The following TULP4 variants were observed in gnomAD, a reference collection of about 807,000 sequenced individuals.
TULP4 encodes the protein tubby-related protein 4.
TULP4 carries 16 observed loss-of-function variants against 129.0 expected under a neutral mutation model. The observed-to-expected ratio is 0.12, with a 90% CI of 0.08 to 0.19. The LOEUF is 0.19. TULP4 is among the 10% of genes least tolerant of loss of function. The pLI is 1.00. For synonymous variants in TULP4, 998 were observed against 854.0 expected, an observed-to-expected ratio of 1.17 and a Z score of -2.94; for missense variants, 1,842 against 2,059.1, an observed-to-expected ratio of 0.89 and a Z score of 2.04.
intron 1 of TULP4, among the ~76,000 whole-genome samples, chr6:158,362,326 A>G (rs1258128480): frequency 6.7e-6 from 1 of 149,618 alleles, no homozygotes; most frequent in African/African-American, 2.5e-5. Context: ...TGTTCATCCA[A>G]GTTTGACTAG....
At chr6:158,385,840 A>ATTTTTTTT (rs1397821107) in intron 1 of TULP4, among the ~76,000 whole-genome samples, 1 of 34,012 alleles carries the variant, frequency 2.9e-5, no homozygotes, top group African/African-American at 1.3e-4. Flanking sequence ...AATGTGGAAT[A>ATTTTTTTT]TCTTTTTTTT....
intron 5 of TULP4, among the ~76,000 whole-genome samples, chr6:158,457,869 T>G (rs190758485): frequency 6.6e-6 from 1 of 152,308 alleles, no homozygotes; most frequent in East Asian, 1.9e-4. Flanking sequence ...CACGTCGTCC[T>G]CATTGAGTAC....
intron 1 of TULP4, among the ~76,000 whole-genome samples, chr6:158,303,005 C>T (rs960527825): frequency 6.7e-6 from 1 of 149,062 alleles, no homozygotes; most frequent in African/African-American, 2.5e-5. Context: ...GGAGGAAGGC[C>T]ATAAATTAGA....
At chr6:158,422,659 C>T (rs558823056) in intron 2 of TULP4, among the ~76,000 whole-genome samples, 48 of 152,110 alleles carry the variant, frequency 3.2e-4, no homozygotes, top group Non-Finnish European at 6.8e-4. Context: ...GCTCCAAAGC[C>T]GAAAGAGGAG....
In TULP4 at chr6:158,503,599, A is replaced by C. The variant is rs1468545785; in HGVS notation, c.3936A>C (p.Ala1312=). Residue 1312 remains alanine, a synonymous_variant, in exon 13 of 14, where the codon GCA becomes GCC. Coordinates refer to ENST00000367097, the MANE Select transcript of TULP4 (RefSeq NM_020245.5). This position sits in a 1 kb window ranked among gnomAD's most constrained non-coding sequence, Gnocchi z 4.3. ...HLGTEVMVET[A]DNFQEVLSLT... ...GCACAGAGGTGATGGTAGAGACTGC[A>C]GACAACTTCCAGGAAGTCCTCTCCC... is the stretch of plus-strand genomic sequence containing the variant. The C allele has an allele frequency of 6.2e-7, 1 of 1,613,972 alleles. No homozygotes were observed. The highest frequency in any genetic ancestry group is 8.5e-7 in the Non-Finnish European group (1 of 1,180,052).
intron 1 of TULP4, among the ~76,000 whole-genome samples, chr6:158,304,619 A>G (rs1445272608): frequency 6.6e-6 from 1 of 151,794 alleles, no homozygotes; most frequent in Non-Finnish European, 1.5e-5. Flanking sequence ...AACTTATCTC[A>G]TTTTTTAAAT....
At chr6:158,308,425 TC>T (rs1441763622), upstream of TULP4, among the ~76,000 whole-genome samples, 3 of 151,986 alleles carry the variant, frequency 2.0e-5, no homozygotes, top group Non-Finnish European at 2.9e-5. Flanking sequence ...ACGGCAACCA[TC>T]CGATTTCTCA....
intron 1 of TULP4, among the ~76,000 whole-genome samples, chr6:158,354,919 G>A (rs1780610579): frequency 6.8e-6 from 1 of 147,562 alleles, no homozygotes; most frequent in Non-Finnish European, 1.5e-5. Flanking sequence ...AAGCCCTCAA[G>A]ATGCTCATTT....
At chr6:158,327,072 C>T (rs1385118581) in intron 1 of TULP4, among the ~76,000 whole-genome samples, 1 of 152,170 alleles carries the variant, frequency 6.6e-6, no homozygotes, top group African/African-American at 2.4e-5. Context: ...ATGATTTTCT[C>T]ATTTGTGAAA....
chr6:158,270,258 G>A (rs1184048068), intron 1 of TULP4, among the ~76,000 whole-genome samples: 1 of 152,004 alleles, frequency 6.6e-6, no homozygotes. Context: ...GTCCAACTTG[G>A]AGCTCTCTTT....
chr6:158,295,815 T>C (rs371943846), intron 1 of TULP4, among the ~76,000 whole-genome samples: 13 of 152,120 alleles, frequency 8.5e-5, no homozygotes, highest in Non-Finnish European at 1.8e-4. Context: ...GGCACGAACC[T>C]GGGAGGCAGA....
At chr6:158,489,838 A>G in intron 9 of TULP4, 106 bp downstream of exon 9, 3 of 1,334,048 alleles carry the variant, frequency 2.2e-6, no homozygotes, top group Non-Finnish European at 3.1e-6. Flanking sequence ...TCAAAGAGCA[A>G]CCTCCCTGCC....
intron 6 of TULP4, among the ~76,000 whole-genome samples, chr6:158,471,791 ATC>A (rs1339378281): frequency 6.6e-6 from 1 of 152,084 alleles, no homozygotes; most frequent in East Asian, 1.9e-4. Context: ...TACTTAGTAA[ATC>A]TTTCTTCAGT....
intron 12 of TULP4, among the ~76,000 whole-genome samples, chr6:158,499,484 A>G (rs1265330484): frequency 6.6e-6 from 1 of 152,244 alleles, no homozygotes; most frequent in Non-Finnish European, 1.5e-5. Flanking sequence ...AAAGGATCCT[A>G]TTTTGATTAA....
chr6:158,440,515 A>G (rs1253098986), intron 3 of TULP4, among the ~76,000 whole-genome samples: 8 of 152,134 alleles, frequency 5.3e-5, no homozygotes, highest in African/African-American at 1.9e-4. Context: ...CAACGCAAAG[A>G]GTGATCCTTT....
chr6:158,270,212 A>G (rs375305241), intron 1 of TULP4, among the ~76,000 whole-genome samples: 1 of 152,102 alleles, frequency 6.6e-6, no homozygotes, highest in Admixed American at 6.5e-5. Context: ...AGTCTTCATT[A>G]TTGAGATATT....
At chr6:158,371,043 G>T (rs1445497786) in intron 1 of TULP4, among the ~76,000 whole-genome samples, 1 of 152,186 alleles carries the variant, frequency 6.6e-6, no homozygotes, top group Non-Finnish European at 1.5e-5. Flanking sequence ...TTCAGCTGTG[G>T]ATGGCTGATG....
chr6:158,337,128 CTTTT>C (rs34480077), intron 1 of TULP4, among the ~76,000 whole-genome samples: 6 of 73,850 alleles, frequency 8.1e-5, no homozygotes, highest in African/African-American at 1.2e-4. Flanking sequence ...CTTTCTTTCT[CTTTT>C]TTTTTTTTTT....
intron 1 of TULP4, among the ~76,000 whole-genome samples, chr6:158,384,631 C>A (rs1777400744): frequency 6.6e-6 from 1 of 152,104 alleles, no homozygotes; most frequent in Non-Finnish European, 1.5e-5. Flanking sequence ...AGTGGTTGAT[C>A]CTTTCCTGAG....
Sources: allele counts gnomAD v4.1 joint callset (sites outside exome capture counted in the v4.1 genomes callset), GRCh38; gene constraint gnomAD v4.1.1; non-coding constraint Gnocchi (gnomAD v3.1); transcripts MANE v1.5; gene names NCBI Gene and HGNC (gene_info 2026-07-23, HGNC 2026-07-21).